LEKR1: variants seen among roughly 807,000 people sequenced by gnomAD.
LEKR1 encodes leucine, glutamate and lysine rich 1.
In LEKR1, 59 loss-of-function variants were observed where a neutral mutation model predicts 72.4. The observed-to-expected ratio is 0.82, with a 90% confidence interval of 0.66 to 1.01. The LOEUF is 1.01. Ranked by LOEUF, LEKR1 falls within the 50% of genes least tolerant of loss-of-function variation. The pLI, the probability that LEKR1 is intolerant of heterozygous loss-of-function variation, is 0.00. For synonymous variants in LEKR1, 257 were observed against 263.2 expected, an observed-to-expected ratio of 0.98 and a Z score of 0.23; for missense variants, 728 against 759.2, an observed-to-expected ratio of 0.96 and a Z score of 0.48.
At chr3:157,004,842 A>G (rs936630675) in intron 9 of LEKR1, among the ~76,000 whole-genome samples, 7 of 152,078 alleles carry the variant, frequency 4.6e-5, no homozygotes, top group African/African-American at 1.4e-4. Context: ...ACAAATGTCT[A>G]TGTGAAAAAA....
chr3:156,849,594 A>T (rs1184320486), intron 2 of LEKR1, among the ~76,000 whole-genome samples: 3 of 152,226 alleles, frequency 2.0e-5, no homozygotes, highest in African/African-American at 7.2e-5. Context: ...AGCCCTCAGA[A>T]ATAATGCCAC....
Position 156,981,798 on chromosome 3 carries a change from A to C in LEKR1, c.827+2523A>C, listed in dbSNP as rs144084683. On this transcript the variant is annotated intron_variant, in intron 7 of 12. Coordinates refer to ENST00000356539, the MANE Select transcript of LEKR1 (RefSeq NM_001004316.3). ...GATAAGTTTGAAGTCAAAACAGTTC[A>C]TTCAAAAAATTTGATATATTAATAC... Among the ~76,000 whole-genome samples, 586 of 152,342 alleles carry C rather than the reference A, an allele frequency of 3.8e-3. 2 individuals carry two copies. The highest frequency in any genetic ancestry group is 0.013 in the African/African-American group (523 of 41,580).
intron 6 of LEKR1, among the ~76,000 whole-genome samples, chr3:156,970,651 G>C (rs1424454696): frequency 1.3e-5 from 2 of 152,194 alleles, no homozygotes; most frequent in South Asian, 2.1e-4. Context: ...AAAGTCTCAG[G>C]ATACAAAATC....
chr3:156,994,829 T>A (rs1015354907), intron 9 of LEKR1, among the ~76,000 whole-genome samples: 1 of 152,230 alleles, frequency 6.6e-6, no homozygotes, highest in African/African-American at 2.4e-5. Flanking sequence ...TTACCCAGAA[T>A]ATCATATTTC....
intron 2 of LEKR1, among the ~76,000 whole-genome samples, chr3:156,838,200 G>C (rs1365960949): frequency 6.6e-6 from 1 of 152,198 alleles, no homozygotes; most frequent in Non-Finnish European, 1.5e-5. Context: ...CAACATGGAA[G>C]AGTGGATAGT....
At chr3:157,000,055 G>C (rs1482504014) in intron 9 of LEKR1, among the ~76,000 whole-genome samples, 2 of 152,096 alleles carry the variant, frequency 1.3e-5, no homozygotes, top group African/African-American at 2.4e-5. Context: ...TTGTAACACT[G>C]AGTCTTTAGG....
intron 12 of LEKR1, among the ~76,000 whole-genome samples, chr3:157,039,054 T>C (rs114210080): frequency 6.6e-6 from 1 of 152,172 alleles, no homozygotes; most frequent in Non-Finnish European, 1.5e-5. Flanking sequence ...AACAATCTCC[T>C]AGCATCTCGA....
chr3:156,950,380 A>G (rs1041924637), intron 6 of LEKR1, among the ~76,000 whole-genome samples: 2 of 151,450 alleles, frequency 1.3e-5, no homozygotes, highest in African/African-American at 2.4e-5. Flanking sequence ...GAAAAATGTC[A>G]TTGATAGTTT....
chr3:156,842,025 G>C (rs1461766741), intron 2 of LEKR1, among the ~76,000 whole-genome samples: 2 of 152,134 alleles, frequency 1.3e-5, no homozygotes, highest in African/African-American at 2.4e-5. Context: ...AGGGTTCTAG[G>C]TTGTGTGCTG....
intron 12 of LEKR1, among the ~76,000 whole-genome samples, chr3:157,038,434 A>C (rs1041548386): frequency 6.6e-6 from 1 of 152,206 alleles, no homozygotes; most frequent in African/African-American, 2.4e-5. Context: ...CAATATGTCC[A>C]TAGGGAAGGC....
chr3:156,881,125 A>G (rs1719280664), intron 3 of LEKR1, among the ~76,000 whole-genome samples: 2 of 152,246 alleles, frequency 1.3e-5, no homozygotes, highest in South Asian at 2.1e-4. Flanking sequence ...CTCCTATTCA[A>G]CATAGTGTTG....
chr3:156,880,112 C>T (rs1406091376), intron 3 of LEKR1, among the ~76,000 whole-genome samples: 1 of 152,202 alleles, frequency 6.6e-6, no homozygotes, highest in African/African-American at 2.4e-5. Context: ...AATTTTAGAT[C>T]TGACAGCTTG....
intron 3 of LEKR1, among the ~76,000 whole-genome samples, chr3:156,916,060 C>G (rs2108570672): frequency 6.6e-6 from 1 of 152,206 alleles, no homozygotes; most frequent in Admixed American, 6.5e-5. Context: ...TGTCAAAGAT[C>G]AGATGGTTTA....
chr3:156,998,371 T>A (rs1731745165), intron 9 of LEKR1, among the ~76,000 whole-genome samples: 1 of 152,178 alleles, frequency 6.6e-6, no homozygotes, highest in East Asian at 1.9e-4. Context: ...TGCCTACATA[T>A]AGCACTTGGA....
Position 157,036,502 on chromosome 3 carries a change from C to T in LEKR1, c.1668+8100C>T, listed in dbSNP as rs77236350. On this transcript the variant is annotated intron_variant, in intron 12 of 12. Coordinates refer to ENST00000356539, the MANE Select transcript of LEKR1 (RefSeq NM_001004316.3). Reference sequence around the variant, plus strand: ...CCAAAACAATCCGTCAAGCATCAAACGCAGATATTTTCAGACTTAAGAGTT... The same window carrying T: ...CCAAAACAATCCGTCAAGCATCAAATGCAGATATTTTCAGACTTAAGAGTT... Among the ~76,000 whole-genome samples, 922 of 152,234 alleles carry T rather than the reference C, an allele frequency of 6.1e-3. 9 individuals carry two copies. Among genetic ancestry groups the T allele is most frequent in the East Asian group, 0.024 (124 of 5,186 alleles).
chr3:157,005,018 T>A (rs1479059822), intron 9 of LEKR1, among the ~76,000 whole-genome samples: 1 of 151,828 alleles, frequency 6.6e-6, no homozygotes, highest in Non-Finnish European at 1.5e-5. Flanking sequence ...TTGAGATCAA[T>A]AAAATTAATA....
At chr3:156,977,373 GA>G (rs971891827) in intron 6 of LEKR1, among the ~76,000 whole-genome samples, 18 of 151,778 alleles carry the variant, frequency 1.2e-4, no homozygotes, top group South Asian at 4.2e-4. Flanking sequence ...TATAGCATAG[GA>G]AAAAAAATTG....
intron 3 of LEKR1, among the ~76,000 whole-genome samples, chr3:156,861,339 A>G (rs1716741095): frequency 6.6e-6 from 1 of 152,158 alleles, no homozygotes; most frequent in Admixed American, 6.6e-5. Context: ...TTATGGAAGT[A>G]GTGTAAAGGG....
intron 6 of LEKR1, among the ~76,000 whole-genome samples, chr3:156,947,211 C>A (rs1341887221): frequency 1.3e-5 from 2 of 150,978 alleles, no homozygotes; most frequent in Non-Finnish European, 3.0e-5. Context: ...TTGAAGCTTT[C>A]TACTTTTTTG....
Sources: allele counts gnomAD v4.1 joint callset (sites outside exome capture counted in the v4.1 genomes callset), GRCh38; gene constraint gnomAD v4.1.1; transcripts MANE v1.5; gene names NCBI Gene and HGNC (gene_info 2026-07-23, HGNC 2026-07-21).